Variants in MCHR2 observed in about 807,000 individuals in gnomAD.
MCHR2 encodes the protein melanin concentrating hormone receptor 2, also known as melanin-concentrating hormone receptor 2.
MCHR2 carries 15 observed loss-of-function variants against 24.8 expected under a neutral mutation model. The observed-to-expected ratio is 0.60, with a 90% CI of 0.40 to 0.93. MCHR2 has a LOEUF of 0.93. MCHR2 is among the 40% of genes least tolerant of loss of function. The pLI, the probability that MCHR2 is intolerant of heterozygous loss-of-function variation, is 0.00. For synonymous variants in MCHR2, 151 were observed against 147.6 expected (o/e 1.02, Z -0.17); for missense variants, 386 against 408.7 (o/e 0.94, Z 0.48).
rs375338879 is a variant in MCHR2 at position 99,956,250 on chromosome 6, T to G, written c.-27-76A>C. 47 of 1,071,916 alleles carry G rather than the reference T, an allele frequency of 4.4e-5. No individual in the cohort carries two copies. In the East Asian group the frequency reaches 1.0e-3, roughly 23 times the overall value. The allele number at this position is 1,071,916 out of a possible 1,614,324, so 66.4% of individuals were successfully genotyped here. On this transcript the variant is annotated intron_variant, in intron 1 of 5. Transcript: ENST00000281806. ...CTTCCTTTACCTAATTCAAATAATA[T>G]TTTTTGGAACCTCTTTTTTAAAACC...
chr6:99,973,540 A>T (rs1775481041), intron 1 of MCHR2, among the ~76,000 whole-genome samples: 2 of 152,178 alleles, frequency 1.3e-5, no homozygotes, highest in Admixed American at 6.5e-5. Flanking sequence ...GTGTCTTTTA[A>T]TTGGAGGATT....
intron 5 of MCHR2, among the ~76,000 whole-genome samples, chr6:99,929,844 AGTTAATATT>A (rs1562118270): frequency 6.7e-6 from 1 of 149,204 alleles, no homozygotes; most frequent in African/African-American, 2.4e-5. Flanking sequence ...TTACATTTAA[AGTTAATATT>A]GTTATGTGTG....
intron 1 of MCHR2, among the ~76,000 whole-genome samples, chr6:99,983,466 C>T (rs1364807954): frequency 6.6e-6 from 1 of 152,148 alleles, no homozygotes; most frequent in African/African-American, 2.4e-5. Context: ...ATGGACCTGC[C>T]CACTACTGTG....
intron 1 of MCHR2, among the ~76,000 whole-genome samples, chr6:99,989,525 T>G (rs60153045): frequency 0.022 from 3,319 of 152,260 alleles, 93 homozygotes; most frequent in East Asian, 0.12. Context: ...GGGCCAAAAA[T>G]TGAACCCAGT....
intron 2 of MCHR2, among the ~76,000 whole-genome samples, chr6:99,949,340 G>C (rs1774927011): frequency 6.6e-6 from 1 of 152,080 alleles, no homozygotes; most frequent in Non-Finnish European, 1.5e-5. Context: ...ACAAAGAAGG[G>C]GCCCCCTCCT....
chr6:99,984,165 CAT>C (rs1200190722), intron 1 of MCHR2, among the ~76,000 whole-genome samples: 3 of 152,060 alleles, frequency 2.0e-5, no homozygotes, highest in African/African-American at 4.8e-5. Flanking sequence ...TATATACATA[CAT>C]ATATATACAC....
At chr6:99,991,398 G>C (rs1034001114) in intron 1 of MCHR2, among the ~76,000 whole-genome samples, 7 of 152,174 alleles carry the variant, frequency 4.6e-5, no homozygotes, top group Non-Finnish European at 1.0e-4. Flanking sequence ...TCTTGGCTCT[G>C]TCATTTTTAG....
chr6:99,933,621 T>C (rs1337722536), intron 5 of MCHR2, among the ~76,000 whole-genome samples: 1 of 146,058 alleles, frequency 6.8e-6, no homozygotes, highest in East Asian at 1.9e-4. Context: ...GGAATGGTGG[T>C]TAAGTTGCTC....
chr6:99,952,320 G>A (rs1478886078), intron 2 of MCHR2, among the ~76,000 whole-genome samples: 2 of 151,962 alleles, frequency 1.3e-5, no homozygotes, highest in African/African-American at 4.8e-5. Flanking sequence ...TTAAAAAAAG[G>A]CACATAGAAC....
chr6:99,991,749 G>A (rs1186669116), intron 1 of MCHR2, among the ~76,000 whole-genome samples: 1 of 136,756 alleles, frequency 7.3e-6, no homozygotes, highest in African/African-American at 2.8e-5. Flanking sequence ...GGAGCTTGCA[G>A]TGAGCAGAGA....
intron 1 of MCHR2, among the ~76,000 whole-genome samples, chr6:99,991,808 C>CAAAAAAAAAAAAAAAAAAAAAA (rs3038469): frequency 6.1e-5 from 5 of 82,064 alleles, no homozygotes; most frequent in African/African-American, 1.4e-4. Context: ...GACTCCGTCT[C>CAAAAAAAAAAAAAAAAAAAAAA]AAAAAAAAAA....
rs192633508 is a variant in MCHR2, at chr6:99,976,964, C to T, written c.-28+16972G>A. On this transcript the variant is annotated intron_variant, in intron 1 of 5. Coordinates refer to ENST00000281806, the MANE Select transcript of MCHR2 (RefSeq NM_001040179.2). ...CCATAGCATCAAAAGCAACCTTAGGCGAACGGAGGCCAGAATGCCAATATT... is the reference window on the plus strand; with the variant it reads ...CCATAGCATCAAAAGCAACCTTAGGTGAACGGAGGCCAGAATGCCAATATT... Among the ~76,000 whole-genome samples the T allele has an allele frequency of 6.6e-5, 10 of 152,302 alleles. No individual in the cohort carries two copies. In the East Asian group the frequency reaches 1.4e-3, roughly 21 times the overall value.
At chr6:99,979,429 G>A (rs1775622439) in intron 1 of MCHR2, among the ~76,000 whole-genome samples, 1 of 152,138 alleles carries the variant, frequency 6.6e-6, no homozygotes, top group Non-Finnish European at 1.5e-5. Context: ...GCCACATGTG[G>A]CTACTGAGCA....
At chr6:99,946,717 T>C (rs547837220) in intron 3 of MCHR2, among the ~76,000 whole-genome samples, 3 of 152,264 alleles carry the variant, frequency 2.0e-5, no homozygotes, top group Non-Finnish European at 4.4e-5. Flanking sequence ...ATTTATGTAA[T>C]ATATTTGAAT....
At chr6:99,950,311 G>A (rs1339882806) in intron 2 of MCHR2, among the ~76,000 whole-genome samples, 1 of 152,076 alleles carries the variant, frequency 6.6e-6, no homozygotes, top group Admixed American at 6.6e-5. Context: ...AATAGAAATT[G>A]TAAAATTTCT....
intron 5 of MCHR2, among the ~76,000 whole-genome samples, chr6:99,931,623 G>C (rs117238492): frequency 0.019 from 2,910 of 152,220 alleles, 34 homozygotes; most frequent in Middle Eastern, 0.048. Context: ...GACTCTGTGG[G>C]CGTAGGACCC....
intron 5 of MCHR2, among the ~76,000 whole-genome samples, chr6:99,930,570 T>C (rs2114497756): frequency 6.7e-6 from 1 of 149,376 alleles, no homozygotes; most frequent in Non-Finnish European, 1.5e-5. Context: ...ACTTCCCTTT[T>C]GCTTCATTTC....
intron 2 of MCHR2, among the ~76,000 whole-genome samples, chr6:99,954,884 G>C (rs958503145): frequency 2.6e-5 from 4 of 152,158 alleles, no homozygotes; most frequent in Middle Eastern, 3.4e-3. Flanking sequence ...TTACTTTCAG[G>C]CTATGAGTAT....
chr6:99,983,519 G>T (rs1775714392), intron 1 of MCHR2, among the ~76,000 whole-genome samples: 1 of 152,144 alleles, frequency 6.6e-6, no homozygotes, highest in South Asian at 2.1e-4. Context: ...CCCCAAAAAA[G>T]AATTTGAAAT....
Sources: gnomAD v4.1 joint callset for allele counts (sites outside exome capture counted in the v4.1 genomes callset) on GRCh38, gnomAD v4.1.1 for gene constraint, MANE v1.5 for transcripts, NCBI Gene and HGNC (gene_info 2026-07-23, HGNC 2026-07-21) for gene names.